Variants in COL9A1 observed in about 807,000 individuals in gnomAD.
COL9A1 encodes collagen type IX alpha 1 chain, also known as collagen alpha-1(IX) chain.
A neutral mutation model predicts 142.6 loss-of-function variants in COL9A1; 104 were observed. The observed-to-expected ratio is 0.73, with a 90% CI of 0.62 to 0.86. COL9A1 has a LOEUF of 0.86. Ranked by LOEUF, COL9A1 falls within the 40% of genes least tolerant of loss-of-function variation. The pLI is 0.00. For missense variants in COL9A1, 1,210 were observed against 1,176.6 expected (o/e 1.03, Z -0.42); for synonymous variants, 466 against 396.0 (o/e 1.18, Z -2.10).
chr6:70,244,582 A>T (rs1026723458), intron 28 of COL9A1, among the ~76,000 whole-genome samples: 2 of 152,198 alleles, frequency 1.3e-5, no homozygotes, highest in Non-Finnish European at 2.9e-5. Flanking sequence ...TTAATATCAG[A>T]AGGGGAAATC....
chr6:70,220,389 G>GGTGT (rs58525634), intron 37 of COL9A1, among the ~76,000 whole-genome samples: 7,410 of 148,612 alleles, frequency 0.05, 621 homozygotes, highest in African/African-American at 0.17. Flanking sequence ...GGTGTGGCAG[G>GGTGT]GTGTGTGTGT....
rs1562319168 is a variant in COL9A1 at position 70,274,031 on chromosome 6, C to A, written c.1065+16G>T. 7.2e-6 allele frequency: 11 copies of A among 1,517,792 alleles called. No homozygotes were observed. Among genetic ancestry groups the A allele is most frequent in the Non-Finnish European group, 9.8e-6 (11 of 1,126,646 alleles). 94.0% of individuals were successfully genotyped at this position (1,517,792 alleles called of 1,614,324 possible). A position where few individuals can be genotyped will look rare whatever the true frequency, so the allele number is the denominator to read the frequency against. On this transcript the variant is annotated intron_variant, in intron 12 of 37. Coordinates refer to ENST00000357250, the MANE Select transcript of COL9A1 (RefSeq NM_001851.6). ...AGATAGGAAATTTTCAATTCTGTAG[C>A]TTTACATTTACTTACTGGAAATCCA...
intron 12 of COL9A1, among the ~76,000 whole-genome samples, chr6:70,273,246 C>T (rs1772521114): frequency 6.6e-6 from 1 of 152,108 alleles, no homozygotes; most frequent in Non-Finnish European, 1.5e-5. Flanking sequence ...TGTTTGAAAA[C>T]ACCAAAGTAA....
In COL9A1 at chr6:70,254,909, T is replaced by C. The variant is rs542440; in HGVS notation, c.1665+54A>G. The C allele has an allele frequency of 7.7e-3, 11,734 of 1,517,968 alleles. 716 individuals carry two copies. The African/African-American group carries it at 0.14, about 18-fold the overall frequency. 94.0% of individuals were successfully genotyped at this position (1,517,968 alleles called of 1,614,324 possible). ...TTAGTAATGGAAATGCCACACTCAG[T>C]TGGCCAGGGCAGAGACAGCCCCACT... On this transcript the variant is annotated intron_variant, in intron 24 of 37. Coordinates refer to ENST00000357250, the MANE Select transcript of COL9A1 (RefSeq NM_001851.6).
intron 10 of COL9A1, among the ~76,000 whole-genome samples, chr6:70,278,334 T>A (rs968206822): frequency 6.6e-6 from 1 of 152,206 alleles, no homozygotes; most frequent in Non-Finnish European, 1.5e-5. Context: ...AAATCTGGAC[T>A]ATTTTGTTAT....
At chr6:70,246,747 C>G (rs1311111235) in intron 28 of COL9A1, among the ~76,000 whole-genome samples, 2 of 152,160 alleles carry the variant, frequency 1.3e-5, no homozygotes, top group African/African-American at 4.8e-5. Context: ...CAAACTTCAA[C>G]TGAAAATCAT....
intron 26 of COL9A1, among the ~76,000 whole-genome samples, chr6:70,253,024 A>G (rs1375935955): frequency 3.3e-5 from 5 of 152,192 alleles, no homozygotes; most frequent in African/African-American, 4.8e-5. Context: ...GTGAAAAAAA[A>G]AATGCCTAAT....
At chr6:70,231,875 C>T (rs372598552) in intron 36 of COL9A1, among the ~76,000 whole-genome samples, 1 of 152,162 alleles carries the variant, frequency 6.6e-6, no homozygotes, top group Non-Finnish European at 1.5e-5. Flanking sequence ...GATATACTTA[C>T]TCCCCTCAAC....
chr6:70,284,892 C>A (rs1773388489), intron 5 of COL9A1, among the ~76,000 whole-genome samples: 1 of 152,118 alleles, frequency 6.6e-6, no homozygotes, highest in Non-Finnish European at 1.5e-5. Flanking sequence ...AGCTCCTAAA[C>A]CTAGAATGGG....
At chr6:70,225,777 C>T (rs1390801443) in intron 37 of COL9A1, among the ~76,000 whole-genome samples, 155 bp downstream of exon 37, 1 of 152,144 alleles carries the variant, frequency 6.6e-6, no homozygotes, top group Non-Finnish European at 1.5e-5. Flanking sequence ...TAATTCTTTA[C>T]TAAAGCTGGT....
intron 28 of COL9A1, among the ~76,000 whole-genome samples, chr6:70,251,644 A>G (rs1770952169): frequency 6.6e-6 from 1 of 152,250 alleles, no homozygotes; most frequent in Admixed American, 6.5e-5. Flanking sequence ...CTATAGAGAC[A>G]TAAAGTGGAT....
chr6:70,224,387 A>G (rs979830800), intron 37 of COL9A1, among the ~76,000 whole-genome samples: 1 of 152,140 alleles, frequency 6.6e-6, no homozygotes, highest in Non-Finnish European at 1.5e-5. Context: ...GATCTTCTCA[A>G]TCTTCTCATC....
intron 19 of COL9A1, among the ~76,000 whole-genome samples, chr6:70,261,434 C>G (rs1771681936): frequency 6.6e-6 from 1 of 152,132 alleles, no homozygotes; most frequent in Non-Finnish European, 1.5e-5. Context: ...CTTGGGAATA[C>G]CCTTGGAAGC....
intron 25 of COL9A1, among the ~76,000 whole-genome samples, chr6:70,253,820 C>T (rs994163527): frequency 2.6e-5 from 4 of 152,110 alleles, no homozygotes; most frequent in African/African-American, 9.7e-5. Flanking sequence ...GAAGACCTCT[C>T]AGAAATGCTG....
chr6:70,266,894 A>G, intron 17 of COL9A1, 124 bp from the exon 18 acceptor site: 1 of 813,250 alleles, frequency 1.2e-6, no homozygotes, highest in Non-Finnish European at 2.2e-6. Context: ...TTATGTCACA[A>G]AGAAAATTAA....
chr6:70,256,739 T>C (rs761180623), intron 21 of COL9A1, 29 bp downstream of exon 21: 33 of 1,608,668 alleles, frequency 2.1e-5, no homozygotes, highest in Non-Finnish European at 2.6e-5. Flanking sequence ...AAATCTATCA[T>C]TGGGTTTTGT....
rs755767798 is a variant in COL9A1, at chr6:70,255,006, C to A, written c.1622G>T (p.Gly541Val). The A allele has an allele frequency of 6.2e-7, 1 of 1,614,218 alleles. No homozygotes were observed. The change falls in exon 24 of 38, where the codon GGT becomes GTT. Residue 541 changes from glycine (G) to valine (V), a missense_variant. Physicochemically the swap from Gly to Val is moderately radical, Grantham distance 109. Transcript: ENST00000357250. ...AGGGATCCCATCACGGCCATCCACA[C>A]CTGGCAAACCCTAAACACACACAAA... ...PGPKGDTGLPGVDGRDGIPGM... is the reference protein window; with the variant it reads ...PGPKGDTGLPVVDGRDGIPGM...
chr6:70,237,215 G>A (rs1183718765), intron 33 of COL9A1, among the ~76,000 whole-genome samples: 2 of 152,212 alleles, frequency 1.3e-5, no homozygotes, highest in Non-Finnish European at 2.9e-5. Flanking sequence ...ACGACAGAGT[G>A]TATAATCCTG....
chr6:70,235,892 A>G (rs548100187), intron 33 of COL9A1, among the ~76,000 whole-genome samples: 12 of 152,258 alleles, frequency 7.9e-5, no homozygotes, highest in Non-Finnish European at 1.8e-4. Context: ...AGGTGGGCGG[A>G]TCACGAGGTC....
Sources: allele counts gnomAD v4.1 joint callset (sites outside exome capture counted in the v4.1 genomes callset), GRCh38; gene constraint gnomAD v4.1.1; transcripts MANE v1.5; gene names NCBI Gene and HGNC (gene_info 2026-07-23, HGNC 2026-07-21).